CRACD: variants seen among roughly 807,000 people sequenced by gnomAD.
The protein encoded by CRACD is capping protein-inhibiting regulator of actin dynamics.
In CRACD, 56 loss-of-function variants were observed where a neutral mutation model predicts 106.8. The ratio of observed to expected loss-of-function variants is 0.52; its 90% CI spans 0.42 to 0.66. The LOEUF is 0.66. Ranked by LOEUF, CRACD falls within the 30% of genes least tolerant of loss-of-function variation. The probability of loss-of-function intolerance (pLI) is 0.00; values close to 1 mark genes in which losing one functional copy is unlikely to be tolerated. For synonymous variants in CRACD, 754 were observed against 670.8 expected (o/e 1.12, Z -1.92); for missense variants, 1,730 against 1,623.2 (o/e 1.07, Z -1.13).
chr4:56,125,119 G>A (rs1365618922), intron 1 of CRACD, among the ~76,000 whole-genome samples: 1 of 152,174 alleles, frequency 6.6e-6, no homozygotes, highest in Non-Finnish European at 1.5e-5. Flanking sequence ...TAAAGAAGAT[G>A]TTGTGTGATA....
intron 2 of CRACD, among the ~76,000 whole-genome samples, chr4:56,219,202 G>A (rs1352361690): frequency 6.6e-6 from 1 of 152,164 alleles, no homozygotes; most frequent in Admixed American, 6.5e-5. Context: ...CTAGTAACAG[G>A]AAATTCCTTC....
chr4:56,201,027 C>G (rs1403762518), intron 2 of CRACD, among the ~76,000 whole-genome samples: 1 of 152,200 alleles, frequency 6.6e-6, no homozygotes, highest in African/African-American at 2.4e-5. Flanking sequence ...ACTCACCATT[C>G]AAACCAAACT....
rs572847668 is a variant in CRACD, at chr4:56,279,717, A to G, written c.-17+7225A>G. Among the ~76,000 whole-genome samples, 29 of 152,316 alleles carry G rather than the reference A, an allele frequency of 1.9e-4. No homozygotes were observed. In the South Asian group the frequency reaches 3.5e-3, roughly 19 times the overall value. On this transcript the variant is annotated intron_variant, in intron 3 of 10. Transcript: ENST00000682029. ...GGTGGGACTGTAAACTAGTTCAACCATTGTGGAAGTCAGTGTGGCGATTCC... is the reference window on the plus strand; with the variant it reads ...GGTGGGACTGTAAACTAGTTCAACCGTTGTGGAAGTCAGTGTGGCGATTCC...
At chr4:56,275,510 T>C (rs531921308) in intron 3 of CRACD, among the ~76,000 whole-genome samples, 1 of 152,336 alleles carries the variant, frequency 6.6e-6, no homozygotes, top group Admixed American at 6.5e-5. Flanking sequence ...ATTTCTCTTT[T>C]CTAGGGAATT....
At chr4:56,103,535 GT>G (rs1733847947) in intron 1 of CRACD, among the ~76,000 whole-genome samples, 1 of 152,198 alleles carries the variant, frequency 6.6e-6, no homozygotes, top group African/African-American at 2.4e-5. Context: ...ATAAGAAGCA[GT>G]TTTCGTTCCC....
At position 56,315,214 on chromosome 4, in the gene CRACD, A is replaced by T. The variant is rs746542180; in HGVS notation, c.1712A>T (p.Gln571Leu). 7 of 1,593,888 alleles carry T rather than the reference A, an allele frequency of 4.4e-6. No homozygotes were observed. The South Asian group carries it at 7.9e-5, about 18-fold the overall frequency. ...GACACGGGGCTCACCGCTGCTCCCC[A>T]GGAACCAAAGGCCCCCAAAGCCAGC... ...AKDTGLTAAP[Q>L]EPKAPKASPV... The change falls in exon 8 of 11, where the codon CAG (glutamine) becomes CTG (leucine). Residue 571 changes from glutamine to leucine, a missense_variant. Physicochemically the swap from Gln to Leu is moderately radical, Grantham distance 113. Around this residue, in one of 5 missense-constraint regions of CRACD, gnomAD observed 1,620 missense variants for 1,481.6 expected, o/e 1.09. Coordinates refer to ENST00000682029, the MANE Select transcript of CRACD (RefSeq NM_001393381.1). The surrounding 1 kb of genome is among the most constrained non-coding windows in gnomAD (Gnocchi z 4.1).
chr4:56,310,751 T>A lies in CRACD; in HGVS notation c.354+17T>A. The A allele has an allele frequency of 6.4e-7, 1 of 1,568,278 alleles. No individual in the cohort carries two copies. Among genetic ancestry groups the A allele is most frequent in the South Asian group, 1.1e-5 (1 of 89,490 alleles). On this transcript the variant is annotated intron_variant, in intron 6 of 10. Coordinates refer to ENST00000682029, the MANE Select transcript of CRACD (RefSeq NM_001393381.1). ...GAAGAGAAGGTAATATGATTTGAAC[T>A]TATTTATTTGGCTTCTTTCCTTACT...
At chr4:56,258,080 C>CAAAAAAAAAAAA (rs568556506) in intron 2 of CRACD, among the ~76,000 whole-genome samples, 2 of 123,318 alleles carry the variant, frequency 1.6e-5, no homozygotes. Context: ...GAAAAAAAAA[C>CAAAAAAAAAAAA]AAAAAAAAAA....
chr4:56,241,469 T>C (rs1016373940), intron 2 of CRACD, among the ~76,000 whole-genome samples: 6 of 152,062 alleles, frequency 3.9e-5, no homozygotes, highest in African/African-American at 1.4e-4. Context: ...TTCCTCTGCC[T>C]CTAATTTCGT....
At chr4:56,187,763 T>G (rs1339740070) in intron 2 of CRACD, among the ~76,000 whole-genome samples, 4 of 152,106 alleles carry the variant, frequency 2.6e-5, no homozygotes, top group Non-Finnish European at 5.9e-5. Context: ...AGACGCACAC[T>G]GAATGCCTCC....
At position 56,053,710 on chromosome 4, in the gene CRACD, A is replaced by G. The variant is rs938278247; in HGVS notation, c.-336+4411A>G. On this transcript the variant is annotated intron_variant, in intron 1 of 10. Coordinates refer to ENST00000682029, the MANE Select transcript of CRACD (RefSeq NM_001393381.1). ...TGAGGCTTTAAACTTTTAACCATAT[A>G]TTTAAACAGTTTATTTGTTGAATTA... Among the ~76,000 whole-genome samples the G allele has an allele frequency of 3.9e-5, 6 of 152,292 alleles. No homozygotes were observed. The East Asian group carries it at 1.2e-3, about 29-fold the overall frequency.
At position 56,116,776 on chromosome 4, in the gene CRACD, C is replaced by T. The variant is rs979825241; in HGVS notation, c.-335-62508C>T. Among the ~76,000 whole-genome samples, 9 of 151,948 alleles carry T rather than the reference C, an allele frequency of 5.9e-5. No homozygotes were observed. The South Asian group carries it at 1.2e-3, about 21-fold the overall frequency. ...CAGGCTGGAGTGCGTGGCACGATCT[C>T]GGCTCAGTGCAGCCTCCGCCTCCTG... On this transcript the variant is annotated intron_variant, in intron 1 of 10. Transcript: ENST00000682029.
intron 1 of CRACD, among the ~76,000 whole-genome samples, chr4:56,164,655 C>T (rs187180161): frequency 4.1e-4 from 63 of 151,992 alleles, no homozygotes; most frequent in Admixed American, 2.9e-3. Context: ...AGGTTGGGGA[C>T]GGAGGATGGG....
chr4:56,176,566 C>T (rs1161908214), intron 1 of CRACD, among the ~76,000 whole-genome samples: 1 of 151,718 alleles, frequency 6.6e-6, no homozygotes, highest in Non-Finnish European at 1.5e-5. Flanking sequence ...GTAGCTGGGA[C>T]TACAGGCACC....
chr4:56,293,347 A>G (rs952709420), intron 3 of CRACD, among the ~76,000 whole-genome samples: 2 of 152,200 alleles, frequency 1.3e-5, no homozygotes, highest in Admixed American at 6.5e-5. Context: ...TTTTAGAAGC[A>G]TTGTGTAACC....
chr4:56,231,692 G>A (rs939054081), intron 2 of CRACD, among the ~76,000 whole-genome samples: 2 of 152,166 alleles, frequency 1.3e-5, no homozygotes, highest in East Asian at 1.9e-4. Context: ...TGCATGCTAC[G>A]TGCTTCCATT....
chr4:56,184,016 A>AG (rs1390986336), intron 2 of CRACD, among the ~76,000 whole-genome samples: 1 of 152,164 alleles, frequency 6.6e-6, no homozygotes, highest in East Asian at 1.9e-4. Flanking sequence ...AGTATAAAGA[A>AG]GGGGAAAAAA....
intron 1 of CRACD, among the ~76,000 whole-genome samples, chr4:56,133,463 A>G (rs1420349532): frequency 1.3e-5 from 2 of 152,220 alleles, no homozygotes; most frequent in African/African-American, 4.8e-5. Flanking sequence ...CAATCAAGCT[A>G]TCAATTGTCA....
chr4:56,083,409 G>C (rs1733103362), intron 1 of CRACD, among the ~76,000 whole-genome samples: 2 of 152,156 alleles, frequency 1.3e-5, no homozygotes, highest in Non-Finnish European at 2.9e-5. Context: ...AATGAAAACA[G>C]TGAGAAATTA....
Sources: allele counts gnomAD v4.1 joint callset (sites outside exome capture counted in the v4.1 genomes callset), GRCh38; gene constraint gnomAD v4.1.1; regional missense constraint gnomAD v4.1.1; non-coding constraint Gnocchi (gnomAD v3.1); transcripts MANE v1.5; gene names NCBI Gene and HGNC (gene_info 2026-07-23, HGNC 2026-07-21).